Variants in MAPK10 observed in about 807,000 individuals in gnomAD.
MAPK10 encodes JNK3 alpha protein kinase.
MAPK10 carries 25 observed loss-of-function variants against 59.3 expected under a neutral mutation model. That is an observed-to-expected ratio of 0.42 (90% CI 0.31 to 0.59). The LOEUF (loss-of-function observed/expected upper bound fraction) is 0.59. MAPK10 is among the 20% of genes least tolerant of loss of function. The pLI is 0.15. For missense variants in MAPK10, 351 were observed against 568.9 expected, an observed-to-expected ratio of 0.62 and a Z score of 3.90; for synonymous variants, 190 against 200.5, an observed-to-expected ratio of 0.95 and a Z score of 0.44.
At chr4:86,450,643 C>T (rs1237290726) in intron 1 of MAPK10, among the ~76,000 whole-genome samples, 1 of 152,128 alleles carries the variant, frequency 6.6e-6, no homozygotes, top group African/African-American at 2.4e-5. Flanking sequence ...GTAACCTACC[C>T]ATAGTTATAA....
At chr4:86,159,219 T>C in intron 4 of MAPK10, 79 bp downstream of exon 4, 2 of 1,121,468 alleles carry the variant, frequency 1.8e-6, no homozygotes, top group Non-Finnish European at 2.4e-6. Flanking sequence ...TTTGGGGATT[T>C]TGTTTGTTTG....
At chr4:86,242,565 G>A (rs1449356153) in intron 2 of MAPK10, among the ~76,000 whole-genome samples, 1 of 152,180 alleles carries the variant, frequency 6.6e-6, no homozygotes, top group Non-Finnish European at 1.5e-5. Context: ...AGATCCTGCA[G>A]GGAAGATCCG....
intron 1 of MAPK10, among the ~76,000 whole-genome samples, chr4:86,414,053 C>T (rs1182309037): frequency 6.6e-6 from 1 of 151,478 alleles, no homozygotes; most frequent in Non-Finnish European, 1.5e-5. Context: ...ACCTTATAAG[C>T]GACCCCGCAT....
At chr4:86,254,556 C>T (rs2148721074) in intron 2 of MAPK10, among the ~76,000 whole-genome samples, 2 of 128,744 alleles carry the variant, frequency 1.6e-5, no homozygotes, top group Admixed American at 1.5e-4. Flanking sequence ...GTTATAATTT[C>T]TGTTATTTTA....
At chr4:86,159,789 G>A (rs754901708) in intron 3 of MAPK10, among the ~76,000 whole-genome samples, 4 of 151,932 alleles carry the variant, frequency 2.6e-5, no homozygotes, top group Non-Finnish European at 4.4e-5. Context: ...TATAGCTACT[G>A]AACATGCATT....
chr4:86,195,252 C>T (rs1406213607), intron 2 of MAPK10, among the ~76,000 whole-genome samples: 1 of 152,136 alleles, frequency 6.6e-6, no homozygotes, highest in African/African-American at 2.4e-5. Flanking sequence ...TTGTTGAATG[C>T]TGATTGTGTG....
At chr4:86,587,196 T>C (rs904915099) in intron 1 of MAPK10, among the ~76,000 whole-genome samples, 6 of 152,236 alleles carry the variant, frequency 3.9e-5, no homozygotes, top group African/African-American at 1.4e-4. Flanking sequence ...AGAAGTTAAG[T>C]GGCTTGCCAA....
chr4:86,465,826 C>T (rs569692950), intron 1 of MAPK10, among the ~76,000 whole-genome samples: 2 of 152,246 alleles, frequency 1.3e-5, no homozygotes, highest in East Asian at 3.9e-4. Context: ...GAGAAGGACC[C>T]CAGCTGTCAC....
At chr4:86,339,242 G>A (rs925696826) in intron 2 of MAPK10, among the ~76,000 whole-genome samples, 1 of 152,132 alleles carries the variant, frequency 6.6e-6, no homozygotes, top group Non-Finnish European at 1.5e-5. Flanking sequence ...AGGGAGGCAT[G>A]CAGTGACTAA....
At chr4:86,441,736 C>T (rs1349242429) in intron 1 of MAPK10, among the ~76,000 whole-genome samples, 1 of 152,062 alleles carries the variant, frequency 6.6e-6, no homozygotes, top group East Asian at 1.9e-4. Context: ...GAGCAGAAAC[C>T]CCATCCACAC....
intron 1 of MAPK10, among the ~76,000 whole-genome samples, chr4:86,585,979 CAG>C (rs1412141142): frequency 6.6e-6 from 1 of 152,164 alleles, no homozygotes; most frequent in African/African-American, 2.4e-5. Flanking sequence ...CTCTTTAAGA[CAG>C]AAGATAAACT....
intron 1 of MAPK10, among the ~76,000 whole-genome samples, chr4:86,489,942 C>A (rs917244559): frequency 1.3e-5 from 2 of 152,158 alleles, no homozygotes; most frequent in African/African-American, 4.8e-5. Flanking sequence ...TCAGTCCCCC[C>A]ATCTCCAGCA....
At chr4:86,232,642 G>C (rs1331579524) in intron 2 of MAPK10, among the ~76,000 whole-genome samples, 1 of 151,452 alleles carries the variant, frequency 6.6e-6, no homozygotes, top group African/African-American at 2.5e-5. Context: ...CAAAGTGCTG[G>C]GATTACAGGC....
intron 2 of MAPK10, among the ~76,000 whole-genome samples, chr4:86,281,430 G>T (rs1436700799): frequency 6.6e-6 from 1 of 151,896 alleles, no homozygotes; most frequent in East Asian, 1.9e-4. Context: ...GTACCCAGGA[G>T]GCAGAGGTTG....
intron 11 of MAPK10, among the ~76,000 whole-genome samples, chr4:86,064,064 C>A (rs1429618510): frequency 6.6e-6 from 1 of 152,148 alleles, no homozygotes; most frequent in Admixed American, 6.5e-5. Context: ...CTAAATCATA[C>A]CCTCTTCTAG....
rs71657508 is a variant in MAPK10 at position 86,091,536 on chromosome 4, A to ATTTTTTTTTTTT, written c.802+6976_802+6987dup. On this transcript the variant is annotated intron_variant, in intron 9 of 13. Coordinates refer to ENST00000641462, the MANE Select transcript of MAPK10 (RefSeq NM_138982.4). ...TTATCTTTCAGGCTAAAATCCCTTGATTTTTTTTTTTTTTTTTTTTTTTTT... is the reference window on the plus strand; with the variant it reads ...TTATCTTTCAGGCTAAAATCCCTTGATTTTTTTTTTTTTTTTTTTTTTTTTTTTTTTTTTTTT... 1.6e-4 allele frequency: 11 copies of ATTTTTTTTTTTT among 67,458 alleles called. 1 individual carries two copies. The highest frequency in any genetic ancestry group is 5.5e-4 in the East Asian group (1 of 1,828). The allele number at this position is 67,458 out of a possible 1,614,324, so 4.2% of individuals were successfully genotyped here.
intron 1 of MAPK10, among the ~76,000 whole-genome samples, chr4:86,383,653 A>T (rs1741060634): frequency 6.6e-6 from 1 of 152,204 alleles, no homozygotes; most frequent in South Asian, 2.1e-4. Context: ...AAACACCAAG[A>T]CATGTCTTCA....
intron 9 of MAPK10, among the ~76,000 whole-genome samples, chr4:86,078,853 G>A (rs1159580832): frequency 6.6e-6 from 1 of 151,940 alleles, no homozygotes; most frequent in Admixed American, 6.6e-5. Flanking sequence ...GCTGGGTGTG[G>A]TGGCACATGC....
At chr4:86,516,638 G>GTTTGT (rs112599289) in intron 1 of MAPK10, among the ~76,000 whole-genome samples, 2 of 151,490 alleles carry the variant, frequency 1.3e-5, no homozygotes, top group African/African-American at 4.9e-5. Context: ...TTTTGTTGTT[G>GTTTGT]TTGTTTGTTT....
Sources: allele counts gnomAD v4.1 joint callset (sites outside exome capture counted in the v4.1 genomes callset), GRCh38; gene constraint gnomAD v4.1.1; transcripts MANE v1.5; gene names NCBI Gene and HGNC (gene_info 2026-07-23, HGNC 2026-07-21).